AGPAT2: variants seen among roughly 807,000 people sequenced by gnomAD.
AGPAT2 encodes 1-acyl-sn-glycerol-3-phosphate acyltransferase beta.
AGPAT2 carries 18 observed loss-of-function variants against 26.1 expected under a neutral mutation model. That is an observed-to-expected ratio of 0.69 (90% CI 0.48 to 1.02). The LOEUF is 1.02. Ranked by LOEUF, AGPAT2 falls within the 50% of genes least tolerant of loss-of-function variation. AGPAT2 has a pLI of 0.00. For synonymous variants in AGPAT2, 200 were observed against 174.2 expected (o/e 1.15, Z -1.16); for missense variants, 415 against 394.9 (o/e 1.05, Z -0.43).
At chr9:136,681,443 C>T (rs907869258) in intron 1 of AGPAT2, among the ~76,000 whole-genome samples, 3 of 152,236 alleles carry the variant, frequency 2.0e-5, no homozygotes, top group African/African-American at 7.2e-5. Flanking sequence ...CCGCACTTCC[C>T]CCGCGGTGTC....
At chr9:136,676,701 G>C in intron 3 of AGPAT2, 21 bp from the exon 4 acceptor site, 1 of 1,608,988 alleles carries the variant, frequency 6.2e-7, no homozygotes, top group Non-Finnish European at 8.5e-7. Flanking sequence ...AGGAGAGCCT[G>C]GACTGACCTC....
At chr9:136,683,588 G>A (rs1048672442) in intron 1 of AGPAT2, among the ~76,000 whole-genome samples, 8 of 152,194 alleles carry the variant, frequency 5.3e-5, no homozygotes, top group African/African-American at 1.9e-4. Context: ...AGGCGGGATG[G>A]GTCCATAGGG....
At chr9:136,684,178 C>T (rs1440787819) in intron 1 of AGPAT2, among the ~76,000 whole-genome samples, 2 of 152,250 alleles carry the variant, frequency 1.3e-5, no homozygotes, top group Non-Finnish European at 2.9e-5. Flanking sequence ...TTTCCCTAGG[C>T]TGCCCATCTG....
chr9:136,684,176 G>A (rs1202772677), intron 1 of AGPAT2, among the ~76,000 whole-genome samples: 1 of 152,228 alleles, frequency 6.6e-6, no homozygotes, highest in Non-Finnish European at 1.5e-5. Flanking sequence ...TGTTTCCCTA[G>A]GCTGCCCATC....
chr9:136,674,909 C>G, intron 4 of AGPAT2, 102 bp from the exon 5 acceptor site: 1 of 728,076 alleles, frequency 1.4e-6, no homozygotes, highest in South Asian at 3.1e-5. Flanking sequence ...CCCACCCACC[C>G]CTGCCTTCGC....
At chr9:136,676,327 G>A (rs1454693675) in intron 4 of AGPAT2, among the ~76,000 whole-genome samples, 1 of 152,210 alleles carries the variant, frequency 6.6e-6, no homozygotes, top group Non-Finnish European at 1.5e-5. Flanking sequence ...AGCCTCGCAG[G>A]CCAAGCACTG....
intron 4 of AGPAT2, 130 bp downstream of exon 4, chr9:136,676,455 C>A: frequency 1.4e-6 from 1 of 726,332 alleles, no homozygotes; most frequent in South Asian, 1.6e-5. Context: ...GCCCTGTCCC[C>A]AACTCAGTGG....
At chr9:136,677,730 G>A (rs991067425) in intron 1 of AGPAT2, among the ~76,000 whole-genome samples, 174 bp from the exon 2 acceptor site, 5 of 152,152 alleles carry the variant, frequency 3.3e-5, no homozygotes, top group African/African-American at 7.2e-5. Flanking sequence ...TCCCGGGCCC[G>A]GCTCACCCAC....
chr9:136,677,147 G>C lies in AGPAT2; in HGVS notation c.317-11C>G. 1 of 1,612,540 alleles carries C rather than the reference G, an allele frequency of 6.2e-7. No individual in the cohort carries two copies. The highest frequency in any genetic ancestry group is 8.5e-7 in the Non-Finnish European group (1 of 1,179,770). On this transcript the variant is annotated splice_polypyrimidine_tract_variant and intron_variant, in intron 2 of 5. Coordinates refer to ENST00000371696, the MANE Select transcript of AGPAT2 (RefSeq NM_006412.4). ...GGACCTCCATGAGGCCTGGGAGACA[G>C]AGAGACAGAGACAGAGAGAGAGGGG...
At position 136,676,843 on chromosome 9, in the gene AGPAT2, G is replaced by T. The variant is rs537374291; in HGVS notation, c.492+118C>A. The T allele has an allele frequency of 1.9e-4, 254 of 1,338,628 alleles. No individual in the cohort carries two copies. The African/African-American group carries it at 3.3e-3, about 17-fold the overall frequency. 82.9% of individuals were successfully genotyped at this position (1,338,628 alleles called of 1,614,324 possible). The stretch of plus-strand genomic sequence containing the variant: ...GGTCTGGCGTGGGACCCCACCTGCG[G>T]AGCATGGATGATGTGGGGGTCTTGT... On this transcript the variant is annotated intron_variant, in intron 3 of 5. Transcript: ENST00000371696.
rs764944742 is a variant in AGPAT2, at chr9:136,687,364, G to A, written c.-7C>T. The A allele has an allele frequency of 4.1e-5, 60 of 1,462,102 alleles. No individual in the cohort carries two copies. The highest frequency in any genetic ancestry group is 3.9e-5 in the Non-Finnish European group (44 of 1,114,642). 90.6% of individuals were successfully genotyped at this position (1,462,102 alleles called of 1,614,324 possible). ...GACACGGCCACAGCTCCATGGCCCG[G>A]CCCGGCGCCCGACGGCGCCGCCAGC... On this transcript the variant is annotated 5_prime_UTR_variant, in exon 1 of 6. Transcript: ENST00000371696.
intron 1 of AGPAT2, among the ~76,000 whole-genome samples, chr9:136,684,907 C>T (rs1209641496): frequency 2.6e-5 from 4 of 152,208 alleles, no homozygotes; most frequent in East Asian, 1.9e-4. Flanking sequence ...TCCAGCCCCC[C>T]GGGTCCCTTC....
intron 1 of AGPAT2, among the ~76,000 whole-genome samples, chr9:136,685,437 C>G (rs886213464): frequency 2.6e-5 from 4 of 152,196 alleles, no homozygotes; most frequent in African/African-American, 9.7e-5. Flanking sequence ...CCCTGGAAAA[C>G]AGCTAGGAAG....
intron 5 of AGPAT2, 65 bp downstream of exon 5, chr9:136,674,670 C>T (rs995958617): frequency 8.1e-7 from 1 of 1,238,410 alleles, no homozygotes; most frequent in Non-Finnish European, 1.1e-6. Flanking sequence ...CGATGAGGGG[C>T]CCGGGGCTCC....
chr9:136,678,052 G>C (rs1165153105), intron 1 of AGPAT2, among the ~76,000 whole-genome samples: 2 of 152,202 alleles, frequency 1.3e-5, no homozygotes, highest in Non-Finnish European at 2.9e-5. Context: ...CGGCGCCAGT[G>C]GAGACCTCTG....
At chr9:136,675,773 G>A (rs1846082869) in intron 4 of AGPAT2, among the ~76,000 whole-genome samples, 1 of 152,186 alleles carries the variant, frequency 6.6e-6, no homozygotes, top group South Asian at 2.1e-4. Context: ...CACCTGGGCA[G>A]GGCTGGGATC....
intron 1 of AGPAT2, among the ~76,000 whole-genome samples, chr9:136,680,281 C>T (rs182108631): frequency 4.4e-4 from 67 of 152,318 alleles, no homozygotes; most frequent in Non-Finnish European, 6.9e-4. Flanking sequence ...GACTGGAGTG[C>T]AGTGGTGTGA....
intron 1 of AGPAT2, among the ~76,000 whole-genome samples, chr9:136,680,050 G>A (rs144730531): frequency 3.3e-5 from 5 of 152,334 alleles, no homozygotes; most frequent in South Asian, 2.1e-4. Flanking sequence ...CAGCTGGGGC[G>A]CGGGGAAAGA....
chr9:136,676,163 G>A (rs1459953034), intron 4 of AGPAT2, among the ~76,000 whole-genome samples: 1 of 152,184 alleles, frequency 6.6e-6, no homozygotes, highest in East Asian at 1.9e-4. Context: ...CCTGAGCTCT[G>A]GTCTGGCCTG....
Sources: gnomAD v4.1 joint callset for allele counts (sites outside exome capture counted in the v4.1 genomes callset) on GRCh38, gnomAD v4.1.1 for gene constraint, MANE v1.5 for transcripts, NCBI Gene and HGNC (gene_info 2026-07-23, HGNC 2026-07-21) for gene names.